Variants in NELL2 observed in about 807,000 individuals in gnomAD.
NELL2 encodes the protein protein kinase C-binding protein NELL2.
NELL2 carries 41 observed loss-of-function variants against 109.6 expected under a neutral mutation model. The observed-to-expected ratio is 0.37, with a 90% CI of 0.29 to 0.49. NELL2 has a LOEUF of 0.49. Among genes scored for constraint, NELL2 ranks in the 20% least tolerant of loss-of-function variants. The probability of loss-of-function intolerance (pLI) is 0.98; values close to 1 mark genes in which losing one functional copy is unlikely to be tolerated. For missense variants in NELL2, 900 were observed against 1,008.3 expected, an observed-to-expected ratio of 0.89 and a Z score of 1.45; for synonymous variants, 355 against 344.7, an observed-to-expected ratio of 1.03 and a Z score of -0.33.
At chr12:44,668,911 G>A (rs540050645) in intron 12 of NELL2, among the ~76,000 whole-genome samples, 1 of 152,028 alleles carries the variant, frequency 6.6e-6, no homozygotes, top group African/African-American at 2.4e-5. Flanking sequence ...ACCAGAACCT[G>A]AGCACACCAC....
At chr12:44,800,326 T>G (rs1475466368) in intron 3 of NELL2, among the ~76,000 whole-genome samples, 1 of 152,120 alleles carries the variant, frequency 6.6e-6, no homozygotes. Context: ...TTTGGCGATA[T>G]CTTAAAATCC....
intron 2 of NELL2, among the ~76,000 whole-genome samples, chr12:44,860,935 T>G (rs1217653281): frequency 6.6e-6 from 1 of 152,078 alleles, no homozygotes; most frequent in African/African-American, 2.4e-5. Flanking sequence ...GTTCAAAATC[T>G]CATCTAAATC....
intron 2 of NELL2, among the ~76,000 whole-genome samples, chr12:44,839,066 G>A (rs375888467): frequency 7.9e-5 from 12 of 152,202 alleles, no homozygotes; most frequent in African/African-American, 2.9e-4. Context: ...ACACCTCCCC[G>A]CGCACGCTTC....
chr12:44,646,545 T>C (rs1251913925), intron 13 of NELL2, among the ~76,000 whole-genome samples: 1 of 152,240 alleles, frequency 6.6e-6, no homozygotes, highest in Non-Finnish European at 1.5e-5. Context: ...AGAACACTTA[T>C]AACAATATAC....
intron 15 of NELL2, among the ~76,000 whole-genome samples, chr12:44,576,257 C>T (rs141156338): frequency 3.9e-5 from 6 of 152,336 alleles, no homozygotes; most frequent in African/African-American, 1.4e-4. Flanking sequence ...TTGTGCAATG[C>T]AGCAGCTCTG....
chr12:44,760,777 AG>A (rs1429355075), intron 9 of NELL2, among the ~76,000 whole-genome samples: 5 of 152,172 alleles, frequency 3.3e-5, no homozygotes, highest in African/African-American at 9.6e-5. Context: ...AAATAAAAAA[AG>A]AAGGGGACAT....
intron 9 of NELL2, among the ~76,000 whole-genome samples, chr12:44,765,770 G>A (rs7307016): frequency 0.67 from 101,068 of 151,978 alleles, 33,901 homozygotes; most frequent in Middle Eastern, 0.72. Flanking sequence ...TGGGGGCCAG[G>A]TTTTGCATAA....
At chr12:44,524,223 C>T (rs996809228) in intron 16 of NELL2, among the ~76,000 whole-genome samples, 42 of 152,196 alleles carry the variant, frequency 2.8e-4, no homozygotes, top group African/African-American at 9.4e-4. Context: ...TATTTCATGG[C>T]CATCACAGCC....
intron 3 of NELL2, among the ~76,000 whole-genome samples, chr12:44,785,075 A>C (rs754726223): frequency 6.6e-6 from 1 of 152,352 alleles, no homozygotes; most frequent in Middle Eastern, 3.4e-3. Flanking sequence ...TCAAATAGGA[A>C]GAAAGGAAGG....
At chr12:44,783,920 T>C (rs1283931027) in intron 3 of NELL2, among the ~76,000 whole-genome samples, 2 of 151,986 alleles carry the variant, frequency 1.3e-5, no homozygotes, top group African/African-American at 4.8e-5. Flanking sequence ...ATAAAAACTG[T>C]TAACAAAATG....
At chr12:44,638,497 A>G (rs933779337) in intron 13 of NELL2, among the ~76,000 whole-genome samples, 8 of 152,156 alleles carry the variant, frequency 5.3e-5, no homozygotes, top group African/African-American at 1.9e-4. Flanking sequence ...GGAAGAATTG[A>G]TTAGGGAAAA....
chr12:44,843,561 G>C (rs1286025222), intron 2 of NELL2, among the ~76,000 whole-genome samples: 1 of 152,136 alleles, frequency 6.6e-6, no homozygotes, highest in Non-Finnish European at 1.5e-5. Context: ...AAAAATGAAA[G>C]CATACGTTCA....
intron 18 of NELL2, among the ~76,000 whole-genome samples, chr12:44,520,607 C>G (rs1300405839): frequency 6.6e-6 from 1 of 151,924 alleles, no homozygotes; most frequent in African/African-American, 2.4e-5. Context: ...GCTATTTTTT[C>G]TAACCTATTA....
At chr12:44,677,294 T>C (rs953512456) in intron 12 of NELL2, among the ~76,000 whole-genome samples, 5 of 152,154 alleles carry the variant, frequency 3.3e-5, no homozygotes, top group African/African-American at 1.2e-4. Context: ...ATATAATCAA[T>C]GGTAATCACT....
At chr12:44,793,722 T>C (rs1243315251) in intron 3 of NELL2, among the ~76,000 whole-genome samples, 2 of 151,542 alleles carry the variant, frequency 1.3e-5, no homozygotes, top group Non-Finnish European at 2.9e-5. Context: ...TAAGTAATGA[T>C]ATAAAAGACG....
intron 3 of NELL2, among the ~76,000 whole-genome samples, chr12:44,803,799 TAACA>T (rs1457198755): frequency 3.3e-5 from 5 of 151,952 alleles, no homozygotes; most frequent in Non-Finnish European, 7.4e-5. Flanking sequence ...AATAACTTAC[TAACA>T]AATATATTTC....
chr12:44,518,505 A>G (rs879741126), intron 19 of NELL2, among the ~76,000 whole-genome samples: 1 of 152,148 alleles, frequency 6.6e-6, no homozygotes. Flanking sequence ...TCAGCCTCCC[A>G]AAATGCTGGG....
chr12:44,824,022 T>C (rs1281886299), intron 2 of NELL2, among the ~76,000 whole-genome samples: 1 of 152,224 alleles, frequency 6.6e-6, no homozygotes, highest in Non-Finnish European at 1.5e-5. Context: ...ATTTTGACTA[T>C]CTGTATGACT....
chr12:44,660,699 G>A (rs563774429), intron 13 of NELL2, among the ~76,000 whole-genome samples: 4 of 152,132 alleles, frequency 2.6e-5, no homozygotes, highest in Non-Finnish European at 5.9e-5. Flanking sequence ...CCACGCTAAA[G>A]AACTACACAA....
Sources: allele counts gnomAD v4.1 joint callset (sites outside exome capture counted in the v4.1 genomes callset), GRCh38; gene constraint gnomAD v4.1.1; transcripts MANE v1.5; gene names NCBI Gene and HGNC (gene_info 2026-07-23, HGNC 2026-07-21).